Variants in GADL1 observed in about 807,000 individuals in gnomAD.
The protein encoded by GADL1 is acidic amino acid decarboxylase GADL1.
A neutral mutation model predicts 69.5 loss-of-function variants in GADL1; 71 were observed. The ratio of observed to expected loss-of-function variants is 1.02; its 90% CI spans 0.84 to 1.25. The LOEUF is 1.25. Ranked by LOEUF, GADL1 falls within the 50% of genes most tolerant of loss-of-function variation. GADL1 has a pLI of 0.00. For missense variants in GADL1, 737 were observed against 631.8 expected (o/e 1.17, Z -1.79); for synonymous variants, 254 against 214.4 (o/e 1.18, Z -1.62).
intron 9 of GADL1, among the ~76,000 whole-genome samples, chr3:30,835,279 A>C (rs920552629): frequency 2.0e-5 from 3 of 152,110 alleles, no homozygotes; most frequent in Non-Finnish European, 2.9e-5. Flanking sequence ...AATGAGGGTG[A>C]CAGAGATGCT....
intron 14 of GADL1, among the ~76,000 whole-genome samples, chr3:30,769,942 A>AAT (rs58247686): frequency 1.5e-5 from 2 of 133,568 alleles, no homozygotes; most frequent in African/African-American, 2.9e-5. Flanking sequence ...TTTAGGTAAG[A>AAT]TATTACACAT....
rs190513963 is a variant in GADL1, at chr3:30,763,326, C to T, written c.1392+14853G>A. 3.3e-3 allele frequency among the ~76,000 whole-genome samples: 501 copies of T among 151,962 alleles called. 6 individuals are homozygous for T. In the East Asian group the frequency reaches 0.035, roughly 11 times the overall value. On this transcript the variant is annotated intron_variant, in intron 14 of 14. Coordinates refer to ENST00000282538, the MANE Select transcript of GADL1 (RefSeq NM_207359.3). The stretch of plus-strand genomic sequence containing the variant: ...ATCCTGGCTAACACGGTGAAACCCC[C>T]TGTCGCTACTAAAAATAACACAAAA...
chr3:30,806,888 AT>A (rs1433485464), intron 11 of GADL1, among the ~76,000 whole-genome samples: 3 of 152,216 alleles, frequency 2.0e-5, no homozygotes, highest in African/African-American at 7.2e-5. Flanking sequence ...ATGATTAGTG[AT>A]GGAATCTTCC....
intron 9 of GADL1, among the ~76,000 whole-genome samples, chr3:30,836,884 G>A (rs1399387879): frequency 6.6e-6 from 1 of 152,072 alleles, no homozygotes; most frequent in Non-Finnish European, 1.5e-5. Context: ...GAACAGTACT[G>A]GAGTGAAAGA....
At chr3:30,774,157 A>G (rs59033473) in intron 14 of GADL1, among the ~76,000 whole-genome samples, 30,878 of 152,034 alleles carry the variant, frequency 0.2, 6,290 homozygotes, top group African/African-American at 0.53. Context: ...TAAATGTTTC[A>G]GATTTTCATG....
intron 12 of GADL1, 121 bp downstream of exon 12, chr3:30,800,768 A>G: frequency 1.3e-6 from 1 of 774,182 alleles, no homozygotes; most frequent in Admixed American, 2.5e-5. Flanking sequence ...CATTTCAAGT[A>G]TTACTTTCCT....
chr3:30,817,135 G>A (rs190677173), intron 11 of GADL1, among the ~76,000 whole-genome samples: 48 of 152,132 alleles, frequency 3.2e-4, no homozygotes, highest in African/African-American at 7.0e-4. Flanking sequence ...CTATAGTCTC[G>A]TGTAGCCTGG....
chr3:30,861,315 T>TTTCATCCCTATGC (rs1553603087), intron 2 of GADL1, among the ~76,000 whole-genome samples: 73 of 150,976 alleles, frequency 4.8e-4, no homozygotes, highest in Admixed American at 4.8e-3. Context: ...GTGCAGGAAG[T>TTTCATCCCTATGC]TTCATCCCTG....
intron 2 of GADL1, among the ~76,000 whole-genome samples, chr3:30,857,755 C>T (rs182730186): frequency 7.2e-5 from 11 of 151,890 alleles, no homozygotes; most frequent in South Asian, 2.1e-4. Flanking sequence ...TGATCCTTTA[C>T]GATCTGCTTC....
In GADL1 at chr3:30,778,160, C is replaced by T. The variant is rs762969621; in HGVS notation, c.1392+19G>A. 2.2e-6 allele frequency: 3 copies of T among 1,379,152 alleles called. No homozygotes were observed. The highest frequency in any genetic ancestry group is 1.8e-4 in the Middle Eastern group (1 of 5,562). 85.4% of individuals were successfully genotyped at this position (1,379,152 alleles called of 1,614,324 possible). On this transcript the variant is annotated intron_variant, in intron 14 of 14. Transcript: ENST00000282538. ...ATCTACTTCATCAAAAAGAAAAATACCATTTACTTATTACTTACCAAATTA... is the reference window on the plus strand; with the variant it reads ...ATCTACTTCATCAAAAAGAAAAATATCATTTACTTATTACTTACCAAATTA...
intron 1 of GADL1, among the ~76,000 whole-genome samples, chr3:30,880,997 G>A (rs1363991881): frequency 6.6e-6 from 1 of 151,888 alleles, no homozygotes; most frequent in Non-Finnish European, 1.5e-5. Flanking sequence ...AATGGAGAAA[G>A]TAAGGAAAGA....
chr3:30,836,938 C>T (rs550046690), intron 9 of GADL1, among the ~76,000 whole-genome samples: 4 of 149,782 alleles, frequency 2.7e-5, no homozygotes, highest in Admixed American at 2.0e-4. Flanking sequence ...TTAAAAAACG[C>T]ATTATATTAC....
In GADL1 at chr3:30,859,046, C is replaced by T. The variant is rs184234828; in HGVS notation, c.211-1905G>A. Among the ~76,000 whole-genome samples, 592 of 152,096 alleles carry T rather than the reference C, an allele frequency of 3.9e-3. 2 individuals carry two copies. The highest frequency in any genetic ancestry group is 0.031 in the Middle Eastern group (9 of 294). Reference sequence around the variant, plus strand: ...TTGAAGTGCTCATGGAATTTATCAACAAGGAGGTGTTCTTGGCAAGAGCAG... The same window carrying T: ...TTGAAGTGCTCATGGAATTTATCAATAAGGAGGTGTTCTTGGCAAGAGCAG... On this transcript the variant is annotated intron_variant, in intron 2 of 14. Transcript: ENST00000282538.
chr3:30,773,019 A>AG (rs57337551), intron 14 of GADL1, among the ~76,000 whole-genome samples: 30,993 of 152,060 alleles, frequency 0.2, 6,347 homozygotes, highest in African/African-American at 0.53. Context: ...GTTAGGAAGG[A>AG]GGGGAGAGAT....
intron 14 of GADL1, among the ~76,000 whole-genome samples, chr3:30,751,923 C>T (rs990350603): frequency 2.6e-5 from 4 of 152,248 alleles, no homozygotes; most frequent in Non-Finnish European, 4.4e-5. Flanking sequence ...CCCAATATCC[C>T]ATTGAATGGC....
In GADL1 at chr3:30,791,455, G is replaced by A. The variant is rs149178798; in HGVS notation, c.1251-5049C>T. Among the ~76,000 whole-genome samples the A allele has an allele frequency of 4.6e-5, 7 of 152,190 alleles. No homozygotes were observed. In the East Asian group the frequency reaches 9.7e-4, roughly 21 times the overall value. ...AGCCTGCCTCCACTTCCTCATGCAC[G>A]TAAAGATGTACAAAAAAATTGGTAA... is the stretch of plus-strand genomic sequence containing the variant. On this transcript the variant is annotated intron_variant, in intron 12 of 14. Transcript: ENST00000282538.
At chr3:30,853,002 T>C (rs1327369747) in intron 4 of GADL1, among the ~76,000 whole-genome samples, 1 of 152,154 alleles carries the variant, frequency 6.6e-6, no homozygotes, top group Non-Finnish European at 1.5e-5. Context: ...GCTAATCCAG[T>C]GGATGCTGTT....
chr3:30,801,141 T>A, intron 11 of GADL1, 53 bp from the exon 12 acceptor site: 1 of 1,422,512 alleles, frequency 7.0e-7, no homozygotes, highest in East Asian at 2.3e-5. Flanking sequence ...ATAACTTGAT[T>A]TTGAAAGCAA....
intron 14 of GADL1, among the ~76,000 whole-genome samples, chr3:30,734,678 C>T (rs1357944842): frequency 6.6e-6 from 1 of 152,072 alleles, no homozygotes; most frequent in Non-Finnish European, 1.5e-5. Context: ...GATAGTTTCA[C>T]CAAATAAAAA....
Sources: allele counts gnomAD v4.1 joint callset (sites outside exome capture counted in the v4.1 genomes callset), GRCh38; gene constraint gnomAD v4.1.1; transcripts MANE v1.5; gene names NCBI Gene and HGNC (gene_info 2026-07-23, HGNC 2026-07-21).